HERC3: variants seen among roughly 807,000 people sequenced by gnomAD.
HERC3 encodes HECT and RLD domain containing E3 ubiquitin protein ligase 3, also known as probable E3 ubiquitin-protein ligase HERC3.
HERC3 carries 58 observed loss-of-function variants against 129.9 expected under a neutral mutation model. The ratio of observed to expected loss-of-function variants is 0.45; its 90% confidence interval spans 0.36 to 0.56. The LOEUF is 0.56. Ranked by LOEUF, HERC3 falls within the 20% of genes least tolerant of loss-of-function variation. HERC3 has a pLI of 0.00. For missense variants in HERC3, 835 were observed against 1,244.2 expected (o/e 0.67, Z 4.95); for synonymous variants, 430 against 451.0 (o/e 0.95, Z 0.59).
At chr4:88,569,318 A>G in the HERC3 span, among the ~76,000 whole-genome samples, 1 of 152,186 alleles carries the variant, frequency 6.6e-6, no homozygotes, top group Non-Finnish European at 1.5e-5. Flanking sequence ...CACCGTCCAC[A>G]CTATGAAGCT....
the HERC3 span, among the ~76,000 whole-genome samples, chr4:88,533,963 T>TC: frequency 6.6e-6 from 1 of 152,088 alleles, no homozygotes; most frequent in Non-Finnish European, 1.5e-5. Flanking sequence ...TTTACTCCCT[T>TC]CCTCCCTCTT....
intron 10 of HERC3, 47 bp from the exon 11 acceptor site, chr4:88,662,383 TC>T: frequency 6.4e-7 from 1 of 1,553,552 alleles, no homozygotes; most frequent in Non-Finnish European, 8.7e-7. Flanking sequence ...GGAGACAAGA[TC>T]CATGCTACAT....
intron 3 of HERC3, among the ~76,000 whole-genome samples, chr4:88,622,437 T>C (rs1219986254): frequency 3.3e-5 from 5 of 152,074 alleles, no homozygotes; most frequent in African/African-American, 7.3e-5. Context: ...ATAATGCTGC[T>C]GTGAACGTTT....
chr4:88,560,899 G>A, the HERC3 span, among the ~76,000 whole-genome samples: 4 of 152,174 alleles, frequency 2.6e-5, no homozygotes, highest in Non-Finnish European at 4.4e-5. Context: ...GACTGTATAT[G>A]CTTGGATGTA....
intron 12 of HERC3, among the ~76,000 whole-genome samples, chr4:88,665,658 A>G (rs1336090991): frequency 6.6e-6 from 1 of 152,108 alleles, no homozygotes; most frequent in Non-Finnish European, 1.5e-5. Flanking sequence ...TCCTTAATCT[A>G]GTCATGTTGA....
In HERC3 at chr4:88,617,357, TAAC is replaced by T. The variant is rs201293085; in HGVS notation, c.226+11323_226+11325del. 8.9e-3 allele frequency among the ~76,000 whole-genome samples: 1,356 copies of T among 151,986 alleles called. 19 individuals are homozygous for T. The highest frequency in any genetic ancestry group is 0.03 in the African/African-American group (1,256 of 41,446). ...CTAATAAGAGCTTGCAGAGAGCCCT[TAAC>T]AACAACAACAACAAAAACAAACAAA... On this transcript the variant is annotated intron_variant, in intron 3 of 25. Transcript: ENST00000402738.
At chr4:88,677,703 C>G (rs1732319674) in intron 18 of HERC3, among the ~76,000 whole-genome samples, 1 of 152,116 alleles carries the variant, frequency 6.6e-6, no homozygotes, top group African/African-American at 2.4e-5. Flanking sequence ...TATTAATCAG[C>G]TAGTTTAAGT....
intron 2 of HERC3, among the ~76,000 whole-genome samples, chr4:88,595,953 C>G (rs1418694660): frequency 1.3e-5 from 2 of 149,112 alleles, no homozygotes; most frequent in Non-Finnish European, 3.0e-5. Context: ...GGGTTCATGC[C>G]ATTCTCCTGC....
intron 6 of HERC3, 125 bp from the exon 7 acceptor site, chr4:88,653,916 CA>C (rs1729561722): frequency 1.5e-6 from 1 of 671,072 alleles, no homozygotes; most frequent in Non-Finnish European, 2.6e-6. Context: ...TATCCAAGTA[CA>C]GATGCAGGCA....
At chr4:88,540,543 C>G in the HERC3 span, among the ~76,000 whole-genome samples, 3 of 152,180 alleles carry the variant, frequency 2.0e-5, no homozygotes, top group Non-Finnish European at 2.9e-5. Context: ...TCAAGGAGAA[C>G]TTCCCTCACC....
chr4:88,624,296 G>C (rs1240413620), intron 3 of HERC3, among the ~76,000 whole-genome samples: 2 of 152,132 alleles, frequency 1.3e-5, no homozygotes, highest in African/African-American at 2.4e-5. Context: ...GGAGTGAATT[G>C]CTGGTTCATA....
chr4:88,698,386 C>T (rs1332025896), intron 23 of HERC3, among the ~76,000 whole-genome samples: 1 of 152,004 alleles, frequency 6.6e-6, no homozygotes, highest in Non-Finnish European at 1.5e-5. Context: ...CTTGGCCATC[C>T]CACACACCTA....
At chr4:88,558,469 G>T in the HERC3 span, among the ~76,000 whole-genome samples, 1 of 152,182 alleles carries the variant, frequency 6.6e-6, no homozygotes, top group African/African-American at 2.4e-5. Flanking sequence ...AAAGGCATGA[G>T]AATGACATAA....
In HERC3 at chr4:88,649,981, A is replaced by T. The variant is rs1031940435; in HGVS notation, c.368A>T (p.Asp123Val). 1 of 1,613,514 alleles carries T rather than the reference A, an allele frequency of 6.2e-7. No individual in the cohort carries two copies. The highest frequency in any genetic ancestry group is 1.3e-5 in the African/African-American group (1 of 74,896). ...DGQLGLMTTE[D>V]SVAVPRLIQK... is the part of the protein sequence containing the mutation. Reference sequence around the variant, plus strand: ...CAGCTAGGACTCATGACTACTGAGGATTCTGTGGCAGTGCCCAGGTAAGAA... The same window carrying T: ...CAGCTAGGACTCATGACTACTGAGGTTTCTGTGGCAGTGCCCAGGTAAGAA... The change falls in exon 4 of 26, where the codon GAT (aspartate) becomes GTT (valine). Residue 123 changes from aspartate (D) to valine (V), a missense_variant. Physicochemically the swap from Asp to Val is radical, Grantham distance 152. Coordinates refer to ENST00000402738, the MANE Select transcript of HERC3 (RefSeq NM_014606.3).
chr4:88,680,569 GATA>G (rs1732663600), intron 20 of HERC3, among the ~76,000 whole-genome samples: 1 of 152,146 alleles, frequency 6.6e-6, no homozygotes, highest in Admixed American at 6.5e-5. Context: ...TAATAACTAT[GATA>G]ATATATTTTC....
intron 3 of HERC3, among the ~76,000 whole-genome samples, chr4:88,631,892 A>G (rs566641738): frequency 6.6e-6 from 1 of 152,340 alleles, no homozygotes; most frequent in South Asian, 2.1e-4. Context: ...GTATGCAACT[A>G]TAAAACCTGG....
At chr4:88,598,505 A>G (rs1722641870) in intron 2 of HERC3, among the ~76,000 whole-genome samples, 1 of 152,190 alleles carries the variant, frequency 6.6e-6, no homozygotes, top group African/African-American at 2.4e-5. Context: ...AGGAGTCACA[A>G]TCCCATCCTC....
At chr4:88,612,936 T>G (rs886161720) in intron 3 of HERC3, among the ~76,000 whole-genome samples, 1 of 152,178 alleles carries the variant, frequency 6.6e-6, no homozygotes, top group Non-Finnish European at 1.5e-5. Context: ...ATAGAAAGGA[T>G]TCAATAAATA....
chr4:88,595,800 T>C (rs1722301280), intron 2 of HERC3, among the ~76,000 whole-genome samples, 186 bp downstream of exon 2: 1 of 150,678 alleles, frequency 6.6e-6, no homozygotes, highest in Admixed American at 6.6e-5. Flanking sequence ...GCCCAAGAAG[T>C]AGGAGACCTG....
Sources: gnomAD v4.1 joint callset for allele counts (sites outside exome capture counted in the v4.1 genomes callset) on GRCh38, gnomAD v4.1.1 for gene constraint, MANE v1.5 for transcripts, NCBI Gene and HGNC (gene_info 2026-07-23, HGNC 2026-07-21) for gene names.